Variants in RYR2 observed in about 807,000 individuals in gnomAD.
RYR2 encodes the protein ryanodine receptor 2, also known as cardiac muscle ryanodine receptor-calcium release channel.
RYR2 carries 227 observed loss-of-function variants against 601.1 expected under a neutral mutation model. The ratio of observed to expected loss-of-function variants is 0.38; its 90% CI spans 0.34 to 0.42. The LOEUF (loss-of-function observed/expected upper bound fraction) is 0.42. RYR2 is among the 10% of genes least tolerant of loss of function. RYR2 has a pLI of 1.00. For missense variants in RYR2, 4,646 were observed against 6,156.5 expected, an observed-to-expected ratio of 0.75 and a Z score of 8.21; for synonymous variants, 2,223 against 2,175.1, an observed-to-expected ratio of 1.02 and a Z score of -0.61.
chr1:237,687,335 T>G, intron 62 of RYR2, 120 bp from the exon 63 acceptor site: 2 of 665,494 alleles, frequency 3.0e-6, no homozygotes, highest in Admixed American at 3.0e-5. Context: ...CCGGCTCATA[T>G]ATCAGCTGTT....
At chr1:237,465,090 G>GCACA (rs10610645) in intron 16 of RYR2, among the ~76,000 whole-genome samples, 4,963 of 150,194 alleles carry the variant, frequency 0.033, 252 homozygotes, top group African/African-American at 0.11. Flanking sequence ...ACACACACAT[G>GCACA]CACACACACA....
intron 2 of RYR2, among the ~76,000 whole-genome samples, chr1:237,276,775 G>A (rs184696325): frequency 6.6e-6 from 1 of 152,142 alleles, no homozygotes; most frequent in Non-Finnish European, 1.5e-5. Flanking sequence ...ACCACATTAA[G>A]TTCAAACAGA....
chr1:237,587,135 T>TATC (rs1174249199), intron 29 of RYR2, among the ~76,000 whole-genome samples: 1 of 152,206 alleles, frequency 6.6e-6, no homozygotes, highest in Admixed American at 6.5e-5. Flanking sequence ...AGTGAGTAAT[T>TATC]ATCGAATAAG....
intron 17 of RYR2, among the ~76,000 whole-genome samples, chr1:237,491,184 C>T (rs1361308543): frequency 6.6e-6 from 1 of 152,084 alleles, no homozygotes; most frequent in African/African-American, 2.4e-5. Flanking sequence ...GATTTTTAAT[C>T]CCGTTTTATA....
At chr1:237,335,186 A>G (rs2543038) in intron 3 of RYR2, among the ~76,000 whole-genome samples, 79,981 of 151,986 alleles carry the variant, frequency 0.53, 22,776 homozygotes, top group Admixed American at 0.67. Flanking sequence ...GTTAGAATAG[A>G]GAGTTGATGA....
At chr1:237,527,809 C>T (rs1206664231) in intron 24 of RYR2, among the ~76,000 whole-genome samples, 1 of 152,118 alleles carries the variant, frequency 6.6e-6, no homozygotes, top group Non-Finnish European at 1.5e-5. Context: ...TCAAGAGAAA[C>T]ATGTGCAGTA....
At chr1:237,290,212 A>G (rs2149416335) in intron 2 of RYR2, among the ~76,000 whole-genome samples, 1 of 152,354 alleles carries the variant, frequency 6.6e-6, no homozygotes, top group South Asian at 2.1e-4. Flanking sequence ...GTGCAACAAC[A>G]TGGATGCAAC....
At chr1:237,752,123 G>A (rs1692583512) in intron 80 of RYR2, among the ~76,000 whole-genome samples, 1 of 152,158 alleles carries the variant, frequency 6.6e-6, no homozygotes, top group African/African-American at 2.4e-5. Context: ...TACAGTATGT[G>A]TGTACTGGTG....
chr1:237,760,361 TAAAAAA>T (rs34435442), intron 83 of RYR2, among the ~76,000 whole-genome samples: 27 of 100,114 alleles, frequency 2.7e-4, no homozygotes, highest in Non-Finnish European at 4.7e-4. Context: ...GTCGCTAATT[TAAAAAA>T]AAAAAAAAAA....
In RYR2 at chr1:237,530,324, A is replaced by T. The variant is rs1159712402; in HGVS notation, c.2823-103A>T. 9 of 851,336 alleles carry T rather than the reference A, an allele frequency of 1.1e-5. No individual in the cohort carries two copies. In the African/African-American group the frequency reaches 1.4e-4, roughly 13 times the overall value. The allele number at this position is 851,336 out of a possible 1,614,324, so 52.7% of individuals were successfully genotyped here. ...AGACTCCGTCTCAAAAAAAAAAAAAAATTGTGCTTTCAAGGTTGTATCTCA... is the reference window on the plus strand; with the variant it reads ...AGACTCCGTCTCAAAAAAAAAAAAATATTGTGCTTTCAAGGTTGTATCTCA... On this transcript the variant is annotated intron_variant, in intron 24 of 104. Transcript: ENST00000366574.
chr1:237,593,618 A>T lies in RYR2; in HGVS notation c.4418A>T (p.Lys1473Ile), dbSNP rs1424822331. The T allele has an allele frequency of 1.2e-6, 2 of 1,613,888 alleles. No individual in the cohort carries two copies. The highest frequency in any genetic ancestry group is 2.2e-5 in the South Asian group (2 of 91,082). The change falls in exon 33 of 105, where the codon AAA becomes ATA. Residue 1473 changes from lysine to isoleucine, a missense_variant. By Grantham distance (102) the Lys-to-Ile change is moderately radical. Coordinates refer to ENST00000366574, the MANE Select transcript of RYR2 (RefSeq NM_001035.3). ...RTVTVTLGDEKGKVHESIKRS... is the reference protein window; with the variant it reads ...RTVTVTLGDEIGKVHESIKRS... The stretch of plus-strand genomic sequence containing the variant: ...GTAACAGTTACTCTAGGAGATGAAA[A>T]AGGAAAAGTGCATGAAAGGTTAGTT...
At chr1:237,582,757 A>G (rs1244779069) in intron 29 of RYR2, among the ~76,000 whole-genome samples, 1 of 151,240 alleles carries the variant, frequency 6.6e-6, no homozygotes, top group East Asian at 1.9e-4. Flanking sequence ...TCATTTTTTT[A>G]TAGCTGCATA....
chr1:237,700,544 C>T (rs1218449114), intron 65 of RYR2, 77 bp downstream of exon 65: 3 of 710,506 alleles, frequency 4.2e-6, no homozygotes, highest in African/African-American at 1.8e-5. Flanking sequence ...CAGTAATAGC[C>T]ACATCTGGGT....
intron 2 of RYR2, among the ~76,000 whole-genome samples, chr1:237,280,290 C>G (rs991398892): frequency 4.6e-5 from 7 of 152,228 alleles, no homozygotes; most frequent in Admixed American, 1.3e-4. Flanking sequence ...TATGAACCAT[C>G]TTAAACAGCA....
intron 1 of RYR2, among the ~76,000 whole-genome samples, chr1:237,181,128 C>A (rs928065881): frequency 1.3e-5 from 2 of 151,924 alleles, no homozygotes; most frequent in Non-Finnish European, 2.9e-5. Flanking sequence ...GGATTACAGG[C>A]ACCTGCCACC....
Position 237,589,828 on chromosome 1 carries a change from G to C in RYR2, c.3634G>C (p.Val1212Leu), listed in dbSNP as rs763448978. The C allele has an allele frequency of 1.2e-6, 2 of 1,613,766 alleles. No homozygotes were observed. The highest frequency in any genetic ancestry group is 1.7e-5 in the Admixed American group (1 of 59,996). The change falls in exon 30 of 105, where the codon GTG (valine) becomes CTG (leucine). Residue 1212 changes from valine to leucine, a missense_variant. Val to Leu is a conservative substitution (Grantham distance 32). Coordinates refer to ENST00000366574, the MANE Select transcript of RYR2 (RefSeq NM_001035.3). The part of the protein sequence containing the change: ...IPVCSLGVAQ[V>L]GRMNFGKDVS... The stretch of plus-strand genomic sequence containing the variant: ...TGTGTGTAGCCTTGGAGTGGCTCAA[G>C]TGGGTAGGATGAACTTTGGAAAGGA...
chr1:237,789,965 G>A (rs982281758), intron 92 of RYR2, among the ~76,000 whole-genome samples: 7 of 152,238 alleles, frequency 4.6e-5, no homozygotes, highest in Non-Finnish European at 8.8e-5. Flanking sequence ...AGCTCTGGCA[G>A]TAAAGATGGG....
chr1:237,524,311 C>G (rs1667368982), intron 24 of RYR2, among the ~76,000 whole-genome samples: 1 of 152,170 alleles, frequency 6.6e-6, no homozygotes, highest in African/African-American at 2.4e-5. Flanking sequence ...ACACAGAAGA[C>G]TCCATATTGT....
chr1:237,597,502 G>A (rs996703738), intron 34 of RYR2, among the ~76,000 whole-genome samples: 5 of 151,572 alleles, frequency 3.3e-5, no homozygotes, highest in Admixed American at 6.6e-5. Flanking sequence ...GGATGGTCTC[G>A]ATCTCCTGAC....
Sources: gnomAD v4.1 joint callset for allele counts (sites outside exome capture counted in the v4.1 genomes callset) on GRCh38, gnomAD v4.1.1 for gene constraint, MANE v1.5 for transcripts, NCBI Gene and HGNC (gene_info 2026-07-23, HGNC 2026-07-21) for gene names.